LRRC69: variants seen among roughly 807,000 people sequenced by gnomAD.
LRRC69 encodes the protein leucine-rich repeat-containing protein 69.
A neutral mutation model predicts 37.8 loss-of-function variants in LRRC69; 42 were observed. The ratio of observed to expected loss-of-function variants is 1.11; its 90% CI spans 0.87 to 1.44. LRRC69 has a LOEUF of 1.44. LRRC69 is among the 40% of genes most tolerant of loss of function. The pLI, the probability that LRRC69 is intolerant of heterozygous loss-of-function variation, is 0.00. For synonymous variants in LRRC69, 141 were observed against 143.1 expected, an observed-to-expected ratio of 0.99 and a Z score of 0.11; for missense variants, 357 against 401.9, an observed-to-expected ratio of 0.89 and a Z score of 0.96.
At chr8:91,137,985 A>G (rs1191848091) in intron 5 of LRRC69, among the ~76,000 whole-genome samples, 1 of 152,054 alleles carries the variant, frequency 6.6e-6, no homozygotes, top group Non-Finnish European at 1.5e-5. Context: ...ATGGATTTAA[A>G]GCATTAATTT....
intron 5 of LRRC69, among the ~76,000 whole-genome samples, chr8:91,162,756 A>G (rs1808967773): frequency 1.3e-5 from 2 of 151,338 alleles, no homozygotes; most frequent in Admixed American, 1.3e-4. Context: ...TATATTCAAT[A>G]TTGTTATTGA....
At chr8:91,136,739 A>G (rs940666034) in intron 5 of LRRC69, among the ~76,000 whole-genome samples, 1 of 152,004 alleles carries the variant, frequency 6.6e-6, no homozygotes, top group African/African-American at 2.4e-5. Context: ...CATGGCAACC[A>G]CATATCTACT....
At chr8:91,200,814 A>C in intron 7 of LRRC69, 22 bp downstream of exon 7, 3 of 1,514,956 alleles carry the variant, frequency 2.0e-6, no homozygotes, top group South Asian at 2.6e-5. Context: ...TTTTTATGCG[A>C]ATATGAGCAT....
At chr8:91,125,792 G>A (rs1027237644) in intron 2 of LRRC69, among the ~76,000 whole-genome samples, 3 of 151,412 alleles carry the variant, frequency 2.0e-5, no homozygotes, top group Non-Finnish European at 2.9e-5. Context: ...ATCTATATCT[G>A]TTTAGATATA....
At chr8:91,164,014 C>A (rs1808988563) in intron 5 of LRRC69, among the ~76,000 whole-genome samples, 3 of 151,404 alleles carry the variant, frequency 2.0e-5, no homozygotes. Flanking sequence ...CAGGGAATTT[C>A]AGAATATTTT....
intron 5 of LRRC69, among the ~76,000 whole-genome samples, chr8:91,178,018 T>G (rs966691804): frequency 1.3e-4 from 20 of 151,990 alleles, no homozygotes; most frequent in Non-Finnish European, 2.6e-4. Flanking sequence ...CCGGCTAATT[T>G]TTTGTGTTTT....
At chr8:91,206,623 T>G in intron 7 of LRRC69, 1 of 1,231,898 alleles carries the variant, frequency 8.1e-7, no homozygotes, top group South Asian at 1.3e-5. Flanking sequence ...CATGTTTAAT[T>G]GTGCTCTGAC....
intron 1 of LRRC69, among the ~76,000 whole-genome samples, chr8:91,119,312 C>G (rs766928212): frequency 9.2e-5 from 14 of 152,012 alleles, no homozygotes; most frequent in Non-Finnish European, 1.2e-4. Context: ...AGTATAAATG[C>G]TACTACCTAG....
At chr8:91,105,889 C>T (rs1303139708) in intron 1 of LRRC69, among the ~76,000 whole-genome samples, 1 of 151,962 alleles carries the variant, frequency 6.6e-6, no homozygotes, top group Non-Finnish European at 1.5e-5. Context: ...ACTGGTGATT[C>T]AGTGATGAGC....
At chr8:91,198,170 A>G (rs1025248856) in intron 6 of LRRC69, among the ~76,000 whole-genome samples, 2 of 152,210 alleles carry the variant, frequency 1.3e-5, no homozygotes, top group Non-Finnish European at 2.9e-5. Flanking sequence ...GCTAATAACT[A>G]TATTATAGAA....
intron 1 of LRRC69, among the ~76,000 whole-genome samples, chr8:91,111,417 C>A (rs1813408683): frequency 6.6e-6 from 1 of 151,846 alleles, no homozygotes; most frequent in African/African-American, 2.4e-5. Context: ...GCATGTAATC[C>A]CAGCTACTCG....
intron 5 of LRRC69, among the ~76,000 whole-genome samples, chr8:91,151,310 A>G (rs148021898): frequency 0.058 from 7,923 of 136,302 alleles, 296 homozygotes; most frequent in Middle Eastern, 0.17. Flanking sequence ...GGTTTCAAAG[A>G]ACATCTTTAT....
At chr8:91,127,878 A>C (rs1813748162) in intron 3 of LRRC69, among the ~76,000 whole-genome samples, 1 of 152,044 alleles carries the variant, frequency 6.6e-6, no homozygotes, top group Admixed American at 6.6e-5. Flanking sequence ...AGTCCTCAAC[A>C]CAGTGCTTTC....
At chr8:91,158,172 C>T in intron 5 of LRRC69, 2 of 1,604,096 alleles carry the variant, frequency 1.2e-6, no homozygotes, top group South Asian at 1.1e-5. Context: ...AGATCTGGAG[C>T]TGGAACAGAG....
chr8:91,194,746 T>C (rs1586278842), intron 6 of LRRC69, among the ~76,000 whole-genome samples: 1 of 152,036 alleles, frequency 6.6e-6, no homozygotes, highest in Non-Finnish European at 1.5e-5. Context: ...TTTTCTTTAT[T>C]AGTCTTGCTA....
chr8:91,177,408 CTATT>C (rs140198825), intron 5 of LRRC69, among the ~76,000 whole-genome samples: 4,773 of 152,142 alleles, frequency 0.031, 267 homozygotes, highest in African/African-American at 0.11. Flanking sequence ...ATTCAATAGA[CTATT>C]CATTCTATTT....
At chr8:91,177,918 G>A (rs561267402) in intron 5 of LRRC69, among the ~76,000 whole-genome samples, 4 of 144,182 alleles carry the variant, frequency 2.8e-5, no homozygotes, top group South Asian at 4.3e-4. Flanking sequence ...GCATGATCTC[G>A]GCTCACGGTA....
intron 5 of LRRC69, among the ~76,000 whole-genome samples, chr8:91,150,202 T>A (rs1258173466): frequency 6.6e-6 from 1 of 152,020 alleles, no homozygotes; most frequent in East Asian, 1.9e-4. Flanking sequence ...GCCCATTCAG[T>A]ATGATATTGG....
At chr8:91,187,677 T>C (rs774849823) in intron 5 of LRRC69, among the ~76,000 whole-genome samples, 3 of 152,222 alleles carry the variant, frequency 2.0e-5, no homozygotes, top group Non-Finnish European at 4.4e-5. Context: ...TTCATACTGA[T>C]ACCCTGCCTC....
Sources: allele counts gnomAD v4.1 joint callset (sites outside exome capture counted in the v4.1 genomes callset), GRCh38; gene constraint gnomAD v4.1.1; transcripts MANE v1.5; gene names NCBI Gene and HGNC (gene_info 2026-07-23, HGNC 2026-07-21).